The following DIAPH1 variants were observed in gnomAD, a reference collection of about 807,000 sequenced individuals.
DIAPH1 encodes diaphanous related formin 1.
In DIAPH1, 46 loss-of-function variants were observed where a neutral mutation model predicts 140.7. The observed-to-expected ratio is 0.33, with a 90% CI of 0.26 to 0.42. The LOEUF is 0.42. Among genes scored for constraint, DIAPH1 ranks in the 10% least tolerant of loss-of-function variants. The pLI is 1.00. For missense variants in DIAPH1, 1,310 were observed against 1,558.7 expected (o/e 0.84, Z 2.69); for synonymous variants, 565 against 551.6 (o/e 1.02, Z -0.34).
intron 1 of DIAPH1, among the ~76,000 whole-genome samples, chr5:141,599,930 T>C (rs773947430): frequency 1.1e-4 from 16 of 152,206 alleles, no homozygotes; most frequent in African/African-American, 4.8e-5. Flanking sequence ...GGTCTCACTA[T>C]GTTGCCAGGC....
chr5:141,599,386 C>G (rs2099899801), intron 1 of DIAPH1, among the ~76,000 whole-genome samples: 1 of 152,198 alleles, frequency 6.6e-6, no homozygotes, highest in South Asian at 2.1e-4. Flanking sequence ...TAATAGACAA[C>G]TACAATTATA....
Position 141,524,465 on chromosome 5 carries a change from G to A in DIAPH1, c.3575-236C>T, listed in dbSNP as rs796539101. The A allele has an allele frequency of 5.7e-5, 32 of 557,758 alleles. 1 individual carries two copies. Among genetic ancestry groups the A allele is most frequent in the South Asian group, 3.1e-4 (16 of 51,316 alleles). 34.6% of individuals were successfully genotyped at this position (557,758 alleles called of 1,614,324 possible). A position where few individuals can be genotyped will look rare whatever the true frequency, so the allele number is the denominator to read the frequency against. On this transcript the variant is annotated intron_variant, in intron 26 of 27. Transcript: ENST00000389054. The stretch of plus-strand genomic sequence containing the variant: ...TTGCCTATTATCCAATGCAGACCTT[G>A]GGATATTTTCCCGCAATGCCATCCT...
rs1040696826 is a variant in DIAPH1 at position 141,565,397 on chromosome 5, A to G, written c.2482+6031T>C. 1 of 152,220 alleles carries G rather than the reference A, an allele frequency of 6.6e-6. No homozygotes were observed. Among genetic ancestry groups the G allele is most frequent in the African/African-American group, 2.4e-5 (1 of 41,460 alleles). The allele number at this position is 152,220 out of a possible 1,614,324, so 9.4% of individuals were successfully genotyped here. A position where few individuals can be genotyped will look rare whatever the true frequency, so the allele number is the denominator to read the frequency against. On this transcript the variant is annotated intron_variant, in intron 18 of 27. Coordinates refer to ENST00000389054, the MANE Select transcript of DIAPH1 (RefSeq NM_005219.5). The surrounding 1 kb of genome is among the most constrained non-coding windows in gnomAD (Gnocchi z 4.3). ...TTTATTAGAATAACATATGTATATA[A>G]AAAGTATGATTTAACCACAGTCACT...
At chr5:141,537,941 G>C (rs2099889311) in intron 18 of DIAPH1, among the ~76,000 whole-genome samples, 1 of 152,200 alleles carries the variant, frequency 6.6e-6, no homozygotes, top group African/African-American at 2.4e-5. Context: ...ACCCAGGCTG[G>C]AGTGCAGTGG....
intron 1 of DIAPH1, among the ~76,000 whole-genome samples, chr5:141,593,659 A>G (rs1405446725): frequency 6.6e-6 from 1 of 152,230 alleles, no homozygotes; most frequent in Non-Finnish European, 1.5e-5. Context: ...TTTATTTAAC[A>G]AAATTTAAAT....
intron 26 of DIAPH1, 74 bp downstream of exon 26, chr5:141,525,964 T>C (rs554628722): frequency 2.5e-6 from 4 of 1,607,004 alleles, no homozygotes; most frequent in Non-Finnish European, 3.4e-6. Flanking sequence ...CATGAGACTC[T>C]GCCTCTAGAC....
At chr5:141,572,174 G>C in intron 16 of DIAPH1, 134 bp from the exon 17 acceptor site, 1 of 712,274 alleles carries the variant, frequency 1.4e-6, no homozygotes, top group South Asian at 1.5e-5. Flanking sequence ...ACTAACTTGA[G>C]GCACAGAATA....
rs1596376370 is a variant in DIAPH1 at position 141,571,516 on chromosome 5, T to C, written c.2474-80A>G. The stretch of plus-strand genomic sequence containing the variant: ...AAGGAAGAAAAGGAATCACATATGG[T>C]TCTTGTTACTGTAGACAGTCACTCA... On this transcript the variant is annotated intron_variant, in intron 17 of 27. Transcript: ENST00000389054. The C allele has an allele frequency of 5.6e-6, 7 of 1,244,982 alleles. No homozygotes were observed. The East Asian group carries it at 1.6e-4, about 29-fold the overall frequency. The allele number at this position is 1,244,982 out of a possible 1,614,324, so 77.1% of individuals were successfully genotyped here.
intron 18 of DIAPH1, among the ~76,000 whole-genome samples, chr5:141,542,078 A>T (rs2099890077): frequency 6.6e-6 from 1 of 152,226 alleles, no homozygotes; most frequent in African/African-American, 2.4e-5. Context: ...CAGCTACTCA[A>T]ATGGATACAA....
At chr5:141,586,892 T>C in intron 3 of DIAPH1, 150 bp downstream of exon 3, 1 of 793,886 alleles carries the variant, frequency 1.3e-6, no homozygotes, top group South Asian at 1.5e-5. Flanking sequence ...AGTCCCTAAT[T>C]ATGGGATTAA....
intron 3 of DIAPH1, among the ~76,000 whole-genome samples, chr5:141,585,937 G>T (rs1014556228): frequency 2.6e-5 from 4 of 152,164 alleles, no homozygotes; most frequent in African/African-American, 7.2e-5. Flanking sequence ...TGTTATTCAA[G>T]ATTTATTATT....
Position 141,618,984 on chromosome 5 carries a change from C to G in DIAPH1, c.-70G>C. 1.2e-6 allele frequency: 1 copy of G among 842,264 alleles called. No individual in the cohort carries two copies. Among genetic ancestry groups the G allele is most frequent in the Non-Finnish European group, 1.7e-6 (1 of 598,656 alleles). The allele number at this position is 842,264 out of a possible 1,614,324, so 52.2% of individuals were successfully genotyped here. A position where few individuals can be genotyped will look rare whatever the true frequency, so the allele number is the denominator to read the frequency against. ...CGCCTGGCAGCTCCGCGCCCGCCGCCGCCCAGTCGCTCTTTAGCCAGCCGC... is the reference window on the plus strand; with the variant it reads ...CGCCTGGCAGCTCCGCGCCCGCCGCGGCCCAGTCGCTCTTTAGCCAGCCGC... On this transcript the variant is annotated 5_prime_UTR_variant, in exon 1 of 28. Coordinates refer to ENST00000389054, the MANE Select transcript of DIAPH1 (RefSeq NM_005219.5).
At position 141,527,698 on chromosome 5, in the gene DIAPH1, C is replaced by CAAAAAAAAAA; in HGVS notation, c.3149-2_3149-1insTTTTTTTTTT. 23 of 371,222 alleles carry CAAAAAAAAAA rather than the reference C, an allele frequency of 6.2e-5. No homozygotes were observed. The highest frequency in any genetic ancestry group is 2.8e-4 in the Admixed American group (3 of 10,576). 23.0% of individuals were successfully genotyped at this position (371,222 alleles called of 1,614,324 possible). A position where few individuals can be genotyped will look rare whatever the true frequency, so the allele number is the denominator to read the frequency against. On this transcript the variant is annotated splice_acceptor_variant, in intron 23 of 27. Transcript: ENST00000389054. LOFTEE classifies it high-confidence loss of function. ...TTCTTTTGCAAGTTTTCAGCAGAAACTAAAAAAAAAAAAAAAAAAAAAAAC... is the reference window on the plus strand; with the variant it reads ...TTCTTTTGCAAGTTTTCAGCAGAAACAAAAAAAAAATAAAAAAAAAAAAAAAAAAAAAAAC...
At chr5:141,527,161 G>A (rs1207353064) in intron 24 of DIAPH1, among the ~76,000 whole-genome samples, 1 of 152,070 alleles carries the variant, frequency 6.6e-6, no homozygotes, top group Non-Finnish European at 1.5e-5. Flanking sequence ...TGGTTGATCT[G>A]CATGGTGTGC....
In DIAPH1 at chr5:141,522,597, A is replaced by AC. The variant is rs1223223859; in HGVS notation, c.3661+1545_3661+1546insG. Among the ~76,000 whole-genome samples, 105 of 150,684 alleles carry AC rather than the reference A, an allele frequency of 7.0e-4. 2 individuals carry two copies. The highest frequency in any genetic ancestry group is 6.8e-3 in the Middle Eastern group (2 of 294). On this transcript the variant is annotated intron_variant, in intron 27 of 27. Coordinates refer to ENST00000389054, the MANE Select transcript of DIAPH1 (RefSeq NM_005219.5). ...CGGGGTCAAAAAAAAAAAAAAAAAA[A>AC]ACAATAAGATGCAATGTATTTTTGT... is the stretch of plus-strand genomic sequence containing the variant.
rs1319624525 is a variant in DIAPH1, at chr5:141,577,494, G to A, written c.1261C>T (p.Arg421Ter). 6.2e-7 allele frequency: 1 copy of A among 1,612,728 alleles called. No homozygotes were observed. Among genetic ancestry groups the A allele is most frequent in the Non-Finnish European group, 8.5e-7 (1 of 1,178,820 alleles). The stretch of plus-strand genomic sequence containing the variant: ...TCTTACCTGGCCTCATAGTCATTTC[G>A]GACCAAGAGTAAGTGCTGCAGGATG... The part of the protein sequence containing the change: ...LSILQHLLLV[R>*]NDYEARPQYY... The change falls in exon 12 of 28, where the codon CGA becomes TGA. Residue 421 changes from arginine (R) to a stop codon, truncating the protein, a stop_gained. Coordinates refer to ENST00000389054, the MANE Select transcript of DIAPH1 (RefSeq NM_005219.5). LOFTEE classifies it high-confidence loss of function.
chr5:141,523,714 T>C (rs2099886890), intron 27 of DIAPH1, among the ~76,000 whole-genome samples: 1 of 151,396 alleles, frequency 6.6e-6, no homozygotes, highest in Non-Finnish European at 1.5e-5. Flanking sequence ...CTTTCTATTA[T>C]TAGTTCTCTC....
At chr5:141,556,577 T>C (rs1398131463) in intron 18 of DIAPH1, among the ~76,000 whole-genome samples, 1 of 152,230 alleles carries the variant, frequency 6.6e-6, no homozygotes, top group African/African-American at 2.4e-5. Flanking sequence ...GCTCCTTCAC[T>C]TGGTCACCAA....
chr5:141,566,484 A>C (rs887249356), intron 18 of DIAPH1, among the ~76,000 whole-genome samples: 2 of 152,222 alleles, frequency 1.3e-5, no homozygotes, highest in Non-Finnish European at 2.9e-5. Context: ...GTTGGTTTTT[A>C]GGAATTGTTT....
Sources: allele counts gnomAD v4.1 joint callset (sites outside exome capture counted in the v4.1 genomes callset), GRCh38; gene constraint gnomAD v4.1.1; non-coding constraint Gnocchi (gnomAD v3.1); transcripts MANE v1.5; gene names NCBI Gene and HGNC (gene_info 2026-07-23, HGNC 2026-07-21).